Variants in BCR observed in about 807,000 individuals in gnomAD.
BCR encodes BCR activator of RhoGEF and GTPase.
BCR carries 58 observed loss-of-function variants against 138.6 expected under a neutral mutation model. The ratio of observed to expected loss-of-function variants is 0.42; its 90% confidence interval spans 0.34 to 0.52. The LOEUF is 0.52. Among genes scored for constraint, BCR ranks in the 20% least tolerant of loss-of-function variants. BCR has a pLI of 0.06. For synonymous variants in BCR, 786 were observed against 730.1 expected, an observed-to-expected ratio of 1.08 and a Z score of -1.23; for missense variants, 1,599 against 1,727.2, an observed-to-expected ratio of 0.93 and a Z score of 1.32.
chr22:23,193,049 G>A (rs141648460), intron 1 of BCR, among the ~76,000 whole-genome samples: 216 of 152,294 alleles, frequency 1.4e-3, no homozygotes, highest in African/African-American at 5.0e-3. Flanking sequence ...GAGCAGCCCG[G>A]GGAGATCCTC....
intron 19 of BCR, 168 bp downstream of exon 19, chr22:23,312,004 C>T: frequency 7.4e-7 from 1 of 1,348,406 alleles, no homozygotes; most frequent in Non-Finnish European, 9.9e-7. Flanking sequence ...TAGAAAAAGC[C>T]TCTGTAGAAA....
intron 1 of BCR, among the ~76,000 whole-genome samples, chr22:23,245,051 C>T (rs556973440): frequency 1.4e-4 from 21 of 152,288 alleles, no homozygotes; most frequent in South Asian, 8.3e-4. Flanking sequence ...TGGAGGAAAA[C>T]GGCTGACTAG....
At chr22:23,227,269 T>C (rs563925278) in intron 1 of BCR, among the ~76,000 whole-genome samples, 1 of 152,300 alleles carries the variant, frequency 6.6e-6, no homozygotes, top group South Asian at 2.1e-4. Context: ...ATAGACACTT[T>C]GTTATTGTGT....
chr22:23,203,983 C>G (rs2072583912), intron 1 of BCR, among the ~76,000 whole-genome samples: 1 of 152,166 alleles, frequency 6.6e-6, no homozygotes, highest in Non-Finnish European at 1.5e-5. Context: ...GGAGGACAAA[C>G]ACCTCCCTGT....
At chr22:23,227,390 G>A (rs1310137217) in intron 1 of BCR, among the ~76,000 whole-genome samples, 2 of 152,222 alleles carry the variant, frequency 1.3e-5, no homozygotes, top group East Asian at 3.8e-4. Flanking sequence ...CAGGGAGGAA[G>A]CCATCCCCTG....
At chr22:23,231,874 T>C (rs2072963455) in intron 1 of BCR, among the ~76,000 whole-genome samples, 1 of 152,156 alleles carries the variant, frequency 6.6e-6, no homozygotes, top group South Asian at 2.1e-4. Context: ...GTCTCAGGCT[T>C]TGGGGTCTTC....
chr22:23,308,248 T>A (rs2073969980), intron 16 of BCR, among the ~76,000 whole-genome samples: 1 of 152,140 alleles, frequency 6.6e-6, no homozygotes, highest in Non-Finnish European at 1.5e-5. Context: ...AAATCCCAGG[T>A]CCCACTCAGA....
intron 2 of BCR, among the ~76,000 whole-genome samples, chr22:23,259,443 G>C (rs1055237971): frequency 2.0e-5 from 3 of 152,106 alleles, no homozygotes; most frequent in African/African-American, 7.2e-5. Context: ...GAGGTAGAAG[G>C]ACCGCTTGAG....
At chr22:23,271,827 C>T (rs2073512350) in intron 6 of BCR, among the ~76,000 whole-genome samples, 1 of 152,072 alleles carries the variant, frequency 6.6e-6, no homozygotes, top group South Asian at 2.1e-4. Context: ...CTTAAATTGA[C>T]TTAAATGTTA....
chr22:23,197,962 G>T (rs906994089), intron 1 of BCR, among the ~76,000 whole-genome samples: 2 of 152,142 alleles, frequency 1.3e-5, no homozygotes, highest in African/African-American at 2.4e-5. Flanking sequence ...AGAGGACCAG[G>T]CCAGGAATGA....
At position 23,181,080 on chromosome 22, in the gene BCR, C is replaced by T. The variant is rs1388781322; in HGVS notation, c.120C>T (p.Ala40=). 4 of 1,519,226 alleles carry T rather than the reference C, an allele frequency of 2.6e-6. No homozygotes were observed. Among genetic ancestry groups the T allele is most frequent in the South Asian group, 1.2e-5 (1 of 82,062 alleles). 94.1% of individuals were successfully genotyped at this position (1,519,226 alleles called of 1,614,324 possible). A position where few individuals can be genotyped will look rare whatever the true frequency, so the allele number is the denominator to read the frequency against. The stretch of plus-strand genomic sequence containing the variant: ...AGCAGGAGCTGGAGCGCTGCAAGGC[C>T]TCCATTCGGCGCCTGGAGCAGGAGG... ...DIEQELERCK[A]SIRRLEQEVN... is the part of the protein sequence containing the mutation. The change falls in exon 1 of 23, where the codon GCC becomes GCT. Residue 40 remains alanine, a synonymous_variant. Transcript: ENST00000305877.
rs139937869 is a variant in BCR at position 23,233,248 on chromosome 22, G to A, written c.1280-20551G>A. 1.7e-3 allele frequency among the ~76,000 whole-genome samples: 264 copies of A among 152,300 alleles called. 1 individual carries two copies. The highest frequency in any genetic ancestry group is 6.0e-3 in the African/African-American group (250 of 41,542). On this transcript the variant is annotated intron_variant, in intron 1 of 22. Coordinates refer to ENST00000305877, the MANE Select transcript of BCR (RefSeq NM_004327.4). The stretch of plus-strand genomic sequence containing the variant: ...GTTCTTGGAGCGAGCTTCCTGAGCA[G>A]CCTCTGCAGGCTCCAGGCTCTGGCA...
intron 1 of BCR, among the ~76,000 whole-genome samples, chr22:23,195,420 CAAA>C (rs529306820): frequency 4.3e-5 from 4 of 92,290 alleles, no homozygotes; most frequent in East Asian, 3.0e-4. Flanking sequence ...AACTCCGTCT[CAAA>C]AAAAAAAAAA....
rs1467560698 is a variant in BCR, at chr22:23,228,861, G to A, written c.1280-24938G>A. Among the ~76,000 whole-genome samples the A allele has an allele frequency of 2.0e-5, 3 of 151,878 alleles. No homozygotes were observed. In the South Asian group the frequency reaches 6.2e-4, roughly 32 times the overall value. ...GTTTTCTTTCTTTATCCTGTTTGGGGTTCACTGCATTTCTCGGGTCTGTAA... is the reference window on the plus strand; with the variant it reads ...GTTTTCTTTCTTTATCCTGTTTGGGATTCACTGCATTTCTCGGGTCTGTAA... On this transcript the variant is annotated intron_variant, in intron 1 of 22. Coordinates refer to ENST00000305877, the MANE Select transcript of BCR (RefSeq NM_004327.4).
chr22:23,311,857 G>T, intron 19 of BCR, 21 bp downstream of exon 19: 2 of 1,611,232 alleles, frequency 1.2e-6, no homozygotes, highest in Non-Finnish European at 1.7e-6. Context: ...GCCTGCGCAG[G>T]ACGGGATGGA....
At chr22:23,309,126 A>G (rs560773056) in intron 16 of BCR, among the ~76,000 whole-genome samples, 191 of 152,048 alleles carry the variant, frequency 1.3e-3, no homozygotes, top group African/African-American at 2.2e-3. Context: ...GTGGTGATGG[A>G]AGCCGGATGG....
intron 14 of BCR, 36 bp downstream of exon 14, chr22:23,290,449 C>A (rs5759683): frequency 0.28 from 446,477 of 1,595,856 alleles, 64,795 homozygotes; most frequent in Middle Eastern, 0.43. Context: ...TTGCAGCGGC[C>A]GAGCCAGGGT....
intron 16 of BCR, among the ~76,000 whole-genome samples, chr22:23,300,646 G>A (rs1380897528): frequency 1.3e-5 from 2 of 152,196 alleles, no homozygotes. Context: ...GGACCTCACT[G>A]CGTGGTGGGG....
At position 23,263,981 on chromosome 22, in the gene BCR, C is replaced by G; in HGVS notation, c.1752+2441C>G. ...GTGGGCAGCTGATGACACACTTGGACAGAGACTTTCCCCCAAGGGCTGGGG... is the reference window on the plus strand; with the variant it reads ...GTGGGCAGCTGATGACACACTTGGAGAGAGACTTTCCCCCAAGGGCTGGGG... On this transcript the variant is annotated intron_variant, in intron 4 of 22. Coordinates refer to ENST00000305877, the MANE Select transcript of BCR (RefSeq NM_004327.4). 10 of 889,780 alleles carry G rather than the reference C, an allele frequency of 1.1e-5. No homozygotes were observed. The South Asian group carries it at 1.3e-4, about 12-fold the overall frequency. The allele number at this position is 889,780 out of a possible 1,614,324, so 55.1% of individuals were successfully genotyped here.
Sources: gnomAD v4.1 joint callset for allele counts (sites outside exome capture counted in the v4.1 genomes callset) on GRCh38, gnomAD v4.1.1 for gene constraint, MANE v1.5 for transcripts, NCBI Gene and HGNC (gene_info 2026-07-23, HGNC 2026-07-21) for gene names.